The following ACKR3 variants were observed in gnomAD, a reference collection of about 807,000 sequenced individuals.
ACKR3 encodes atypical chemokine receptor 3.
ACKR3 carries 6 observed loss-of-function variants against 22.4 expected under a neutral mutation model. The ratio of observed to expected loss-of-function variants is 0.27; its 90% CI spans 0.15 to 0.53. The LOEUF (loss-of-function observed/expected upper bound fraction) is 0.53, where lower values mean the gene tolerates loss of function less well. ACKR3 is among the 20% of genes least tolerant of loss of function. ACKR3 has a pLI of 0.96. For missense variants in ACKR3, 396 were observed against 475.2 expected (o/e 0.83, Z 1.55); for synonymous variants, 209 against 205.2 (o/e 1.02, Z -0.16).
At chr2:236,576,889 T>C (rs1691422748) in intron 1 of ACKR3, among the ~76,000 whole-genome samples, 1 of 152,254 alleles carries the variant, frequency 6.6e-6, no homozygotes, top group Admixed American at 6.5e-5. Flanking sequence ...TTTCTGTTTT[T>C]TGTTTTCTTT....
At chr2:236,549,021 A>C in the ACKR3 span, among the ~76,000 whole-genome samples, 1 of 152,222 alleles carries the variant, frequency 6.6e-6, no homozygotes. The surrounding 1 kb of genome is among the most constrained non-coding windows in gnomAD (Gnocchi z 5.3). Flanking sequence ...GAAAAACCTT[A>C]ATTACCTTAG....
the ACKR3 span, among the ~76,000 whole-genome samples, chr2:236,554,634 G>A: frequency 4.2e-3 from 646 of 152,330 alleles, 4 homozygotes; most frequent in African/African-American, 0.014. Flanking sequence ...TCATGGGGAA[G>A]TGTCTCATTA....
At chr2:236,558,094 T>C in the ACKR3 span, among the ~76,000 whole-genome samples, 1 of 152,214 alleles carries the variant, frequency 6.6e-6, no homozygotes. Flanking sequence ...ATAGTTGTGA[T>C]GCAGGGCAGG....
chr2:236,553,592 G>A, the ACKR3 span, among the ~76,000 whole-genome samples: 2 of 152,238 alleles, frequency 1.3e-5, no homozygotes, highest in Admixed American at 6.5e-5. Context: ...AAGCACCTGC[G>A]TAAAGTCTGA....
chr2:236,545,629 G>A, the ACKR3 span, among the ~76,000 whole-genome samples: 2 of 152,114 alleles, frequency 1.3e-5, no homozygotes, highest in East Asian at 1.9e-4. The surrounding 1 kb of genome is among the most constrained non-coding windows in gnomAD (Gnocchi z 5.3). Flanking sequence ...TGTGGCAGAC[G>A]GACAAAATCA....
Position 236,581,819 on chromosome 2 carries a change from T to C in ACKR3, c.*265T>C, listed in dbSNP as rs536816806. The C allele has an allele frequency of 4.3e-5, 14 of 326,488 alleles. No homozygotes were observed. Among genetic ancestry groups the C allele is most frequent in the Admixed American group, 2.2e-4 (5 of 22,384 alleles). 20.2% of individuals were successfully genotyped at this position (326,488 alleles called of 1,614,324 possible). A position where few individuals can be genotyped will look rare whatever the true frequency, so the allele number is the denominator to read the frequency against. ...AGAGCCAGCTGAGGACAGGCTTGCC[T>C]GGACTTCTGTAAGATAGGATTTTCT... On this transcript the variant is annotated 3_prime_UTR_variant, in exon 2 of 2. Coordinates refer to ENST00000272928, the MANE Select transcript of ACKR3 (RefSeq NM_020311.3). This position sits in a 1 kb window ranked among gnomAD's most constrained non-coding sequence, Gnocchi z 4.4.
intron 1 of ACKR3, among the ~76,000 whole-genome samples, chr2:236,579,058 T>A (rs138652750): frequency 6.6e-6 from 1 of 152,190 alleles, no homozygotes; most frequent in East Asian, 1.9e-4. Flanking sequence ...GCAGACAGAT[T>A]AACTCTCAAG....
intron 1 of ACKR3, among the ~76,000 whole-genome samples, chr2:236,576,183 A>G (rs1412361476): frequency 3.9e-5 from 6 of 152,232 alleles, no homozygotes; most frequent in Admixed American, 6.5e-5. Context: ...GGTTGATTCC[A>G]GCAGAGGGTG....
At chr2:236,554,610 A>G in the ACKR3 span, among the ~76,000 whole-genome samples, 4 of 152,152 alleles carry the variant, frequency 2.6e-5, no homozygotes, top group African/African-American at 9.7e-5. Flanking sequence ...CCTCTTGGGC[A>G]CCAAGAAAGC....
chr2:236,557,897 G>T, the ACKR3 span, among the ~76,000 whole-genome samples: 1 of 152,058 alleles, frequency 6.6e-6, no homozygotes. Context: ...CTTAAGGAAC[G>T]ATCAGACACA....
At chr2:236,567,872 AGGGCGTGGGTGCG>A (rs1407450518), upstream of ACKR3, 1 of 147,012 alleles carries the variant, frequency 6.8e-6, no homozygotes, top group Admixed American at 6.7e-5. Context: ...GGCGCGGGGA[AGGGCGTGGGTGCG>A]GGCCGTGGGT....
At chr2:236,562,973 C>G (rs763218244), upstream of ACKR3, among the ~76,000 whole-genome samples, 2 of 152,150 alleles carry the variant, frequency 1.3e-5, no homozygotes, top group Non-Finnish European at 2.9e-5. Flanking sequence ...CAGTAATTTT[C>G]ATGTAAGCCC....
chr2:236,537,372 A>T, the ACKR3 span, among the ~76,000 whole-genome samples: 65 of 152,320 alleles, frequency 4.3e-4, no homozygotes, highest in Admixed American at 9.2e-4. Context: ...TTTGCCTAGT[A>T]CAAGGATTGT....
chr2:236,565,145 A>T (rs1266097162), upstream of ACKR3, among the ~76,000 whole-genome samples: 1 of 152,106 alleles, frequency 6.6e-6, no homozygotes, highest in Non-Finnish European at 1.5e-5. Flanking sequence ...AGAAATAGCC[A>T]TTCTAGATAC....
At position 236,581,025 on chromosome 2, in the gene ACKR3, C is replaced by G. The variant is rs145853011; in HGVS notation, c.560C>G (p.Thr187Arg). ...LPDTYYLKTV[T>R]SASNNETYCR... ...GACACCTACTACCTGAAGACCGTCA[C>G]GTCTGCGTCCAACAATGAGACCTAC... The change falls in exon 2 of 2, where the codon ACG becomes AGG. Residue 187 changes from threonine to arginine, a missense_variant. Transcript: ENST00000272928. The surrounding 1 kb of genome is among the most constrained non-coding windows in gnomAD (Gnocchi z 4.4). The G allele has an allele frequency of 5.0e-6, 8 of 1,614,180 alleles. No individual in the cohort carries two copies. Among genetic ancestry groups the G allele is most frequent in the Non-Finnish European group, 6.8e-6 (8 of 1,180,038 alleles).
chr2:236,579,338 A>G (rs748517845), intron 1 of ACKR3, among the ~76,000 whole-genome samples: 8 of 152,228 alleles, frequency 5.3e-5, no homozygotes, highest in Non-Finnish European at 1.2e-4. Flanking sequence ...GTCACTGTCA[A>G]CAGTGCATCC....
In ACKR3 at chr2:236,581,106, TG is replaced by T; in HGVS notation, c.643del (p.Val215SerfsTer112). ...AAGGAGTGGCTGATCGGCATGGAGC[TG>T]GTCTCCGTTGTCTTGGGCTTTGCCG... ...SIKEWLIGME[L>X]VSVVLGFAVP... On this transcript the variant is annotated frameshift_variant, in exon 2 of 2. Coordinates refer to ENST00000272928, the MANE Select transcript of ACKR3 (RefSeq NM_020311.3). LOFTEE classifies it high-confidence loss of function. The surrounding 1 kb of genome is among the most constrained non-coding windows in gnomAD (Gnocchi z 4.4). 2 of 1,614,222 alleles carry T rather than the reference TG, an allele frequency of 1.2e-6. No homozygotes were observed. Among genetic ancestry groups the T allele is most frequent in the Non-Finnish European group, 1.7e-6 (2 of 1,180,038 alleles).
At chr2:236,538,146 G>A in the ACKR3 span, among the ~76,000 whole-genome samples, 1 of 151,920 alleles carries the variant, frequency 6.6e-6, no homozygotes, top group Non-Finnish European at 1.5e-5. Context: ...CTTGGGCAGC[G>A]TGGTTAATAC....
the ACKR3 span, among the ~76,000 whole-genome samples, chr2:236,537,487 C>T: frequency 6.6e-6 from 1 of 152,152 alleles, no homozygotes; most frequent in Non-Finnish European, 1.5e-5. Flanking sequence ...GAAGCAGGTT[C>T]ATCATTTTTA....
Sources: allele counts gnomAD v4.1 joint callset (sites outside exome capture counted in the v4.1 genomes callset), GRCh38; gene constraint gnomAD v4.1.1; non-coding constraint Gnocchi (gnomAD v3.1); transcripts MANE v1.5; gene names NCBI Gene and HGNC (gene_info 2026-07-23, HGNC 2026-07-21).